AKT1: variants seen among roughly 807,000 people sequenced by gnomAD.
AKT1 encodes AKT serine/threonine kinase 1.
In AKT1, 21 loss-of-function variants were observed where a neutral mutation model predicts 63.1. The observed-to-expected ratio is 0.33, with a 90% confidence interval of 0.24 to 0.48. The LOEUF is 0.48. Ranked by LOEUF, AKT1 falls within the 20% of genes least tolerant of loss-of-function variation. AKT1 has a pLI of 0.99. For synonymous variants in AKT1, 257 were observed against 253.1 expected, an observed-to-expected ratio of 1.02 and a Z score of -0.15; for missense variants, 382 against 666.0, an observed-to-expected ratio of 0.57 and a Z score of 4.69.
Position 104,793,146 on chromosome 14 carries a change from G to A in AKT1, c.-99C>T. 1 of 196,556 alleles carries A rather than the reference G, an allele frequency of 5.1e-6. No individual in the cohort carries two copies. Among genetic ancestry groups the A allele is most frequent in the Middle Eastern group, 1.9e-3 (1 of 522 alleles). The allele number at this position is 196,556 out of a possible 1,614,324, so 12.2% of individuals were successfully genotyped here. On this transcript the variant is annotated 5_prime_UTR_variant, in exon 2 of 15. Coordinates refer to ENST00000649815, the MANE Select transcript of AKT1 (RefSeq NM_001382430.1). Reference sequence around the variant, plus strand: ...CCTAACCTGATGCACCAGCTGACAGGCTGCCTCCTCCAGGCAGCCCCTTTG... The same window carrying A: ...CCTAACCTGATGCACCAGCTGACAGACTGCCTCCTCCAGGCAGCCCCTTTG...
intron 6 of AKT1, 147 bp from the exon 7 acceptor site, chr14:104,775,354 G>A (rs1033419998): frequency 1.8e-5 from 26 of 1,412,204 alleles, no homozygotes; most frequent in East Asian, 1.5e-4. Flanking sequence ...TGGGCTCAGC[G>A]GGGAGTCCAG....
At chr14:104,774,012 C>G (rs1892557894) in intron 8 of AKT1, 32 bp from the exon 9 acceptor site, 2 of 1,602,060 alleles carry the variant, frequency 1.2e-6, no homozygotes. Context: ...ACTGCGGCCC[C>G]ACAGGCAGGA....
intron 13 of AKT1, chr14:104,771,929 GA>G (rs1566815718): frequency 6.8e-6 from 2 of 293,666 alleles, no homozygotes; most frequent in East Asian, 1.0e-4. Context: ...TGCACAGCCA[GA>G]AATAGGGCTG....
Position 104,777,701 on chromosome 14 carries a change from G to A in AKT1, c.176-931C>T, listed in dbSNP as rs550169265. The A allele has an allele frequency of 2.0e-5, 20 of 985,734 alleles. No homozygotes were observed. The South Asian group carries it at 6.1e-4, about 30-fold the overall frequency. The allele number at this position is 985,734 out of a possible 1,614,324, so 61.1% of individuals were successfully genotyped here. Reference sequence around the variant, plus strand: ...CAGGCTCTGGCCCAGCCTGTGCAAAGCAGGAGGAGGCTGAGGGGCCAGTGG... The same window carrying A: ...CAGGCTCTGGCCCAGCCTGTGCAAAACAGGAGGAGGCTGAGGGGCCAGTGG... On this transcript the variant is annotated intron_variant, in intron 4 of 14. Coordinates refer to ENST00000649815, the MANE Select transcript of AKT1 (RefSeq NM_001382430.1).
chr14:104,787,332 G>A (rs756569090), intron 3 of AKT1, among the ~76,000 whole-genome samples: 40 of 152,112 alleles, frequency 2.6e-4, no homozygotes, highest in Non-Finnish European at 4.7e-4. Flanking sequence ...ACCTGCCCGG[G>A]GCCCCAGCGC....
Position 104,770,858 on chromosome 14 carries a change from G to A in AKT1, c.1261-11C>T. The A allele has an allele frequency of 1.2e-6, 2 of 1,612,174 alleles. No individual in the cohort carries two copies. Among genetic ancestry groups the A allele is most frequent in the Non-Finnish European group, 1.7e-6 (2 of 1,178,600 alleles). ...GAAGGGTGGGCTGAGCTGCAGAGGT[G>A]GGCAGACGGGACAGTCATGAGCTTC... is the stretch of plus-strand genomic sequence containing the variant. On this transcript the variant is annotated splice_polypyrimidine_tract_variant and intron_variant, in intron 13 of 14. Coordinates refer to ENST00000649815, the MANE Select transcript of AKT1 (RefSeq NM_001382430.1).
At chr14:104,770,602 C>G (rs1293895459) in intron 14 of AKT1, 143 bp downstream of exon 14, 2 of 947,948 alleles carry the variant, frequency 2.1e-6, no homozygotes, top group African/African-American at 3.3e-5. Flanking sequence ...CTGCCTCCCA[C>G]CCTGATCATT....
rs1173631887 is a variant in AKT1 at position 104,792,621 on chromosome 14, T to C, written c.23A>G (p.Lys8Arg). MSDVAIV[K>R]EGWLHKRGEY... ...ACCTCGTTTGTGCAGCCAACCCTCC[T>C]TCACAATAGCCACGTCGCTCATGGT... Residue 8 changes from lysine (K) to arginine (R), a missense_variant, in exon 3 of 15, where the codon AAG becomes AGG. This residue lies in a region of AKT1 where 226 missense variants were observed against 366.4 expected (regional missense o/e 0.62). Transcript: ENST00000649815. 6.2e-7 allele frequency: 1 copy of C among 1,611,780 alleles called. No individual in the cohort carries two copies. Among genetic ancestry groups the C allele is most frequent in the Non-Finnish European group, 8.5e-7 (1 of 1,179,870 alleles).
chr14:104,775,270 G>A lies in AKT1; in HGVS notation c.436-63C>T, dbSNP rs182149357. The A allele has an allele frequency of 0.018, 29,290 of 1,602,236 alleles. 343 individuals are homozygous for A. The highest frequency in any genetic ancestry group is 0.027 in the South Asian group (2,433 of 90,790). Reference sequence around the variant, plus strand: ...AACAGTGCCCAGCTGGTCGGCATGCGTGGGGTGGCATGAGGGGCCCCAGAG... The same window carrying A: ...AACAGTGCCCAGCTGGTCGGCATGCATGGGGTGGCATGAGGGGCCCCAGAG... On this transcript the variant is annotated intron_variant, in intron 6 of 14. Coordinates refer to ENST00000649815, the MANE Select transcript of AKT1 (RefSeq NM_001382430.1).
rs1163535000 is a variant in AKT1 at position 104,795,084 on chromosome 14, C to CTT, written c.-258+398_-258+399dup. The CTT allele has an allele frequency of 6.6e-6, 1 of 152,196 alleles. No individual in the cohort carries two copies. The highest frequency in any genetic ancestry group is 2.4e-5 in the African/African-American group (1 of 41,458). 9.4% of individuals were successfully genotyped at this position (152,196 alleles called of 1,614,324 possible). A position where few individuals can be genotyped will look rare whatever the true frequency, so the allele number is the denominator to read the frequency against. On this transcript the variant is annotated intron_variant, in intron 1 of 14. Coordinates refer to ENST00000649815, the MANE Select transcript of AKT1 (RefSeq NM_001382430.1). This position sits in a 1 kb window ranked among gnomAD's most constrained non-coding sequence, Gnocchi z 5.1. ...AACTTGAAGGCCGGCCGCGGCGAGT[C>CTT]TTTCTCCAACCCCGGGGCACCTCCG...
chr14:104,776,269 C>T, intron 5 of AKT1: 1 of 204,148 alleles, frequency 4.9e-6, no homozygotes, highest in Non-Finnish European at 1.0e-5. Context: ...GCCTCAGCCT[C>T]CCAAGTAGCC....
intron 4 of AKT1, chr14:104,777,007 G>A (rs1256806102): frequency 2.6e-5 from 13 of 495,852 alleles, no homozygotes; most frequent in Non-Finnish European, 4.0e-5. Flanking sequence ...CATCTGGCCC[G>A]GCGTCAGGTC....
chr14:104,786,924 G>A (rs949158753), intron 3 of AKT1, among the ~76,000 whole-genome samples: 3 of 152,126 alleles, frequency 2.0e-5, no homozygotes, highest in Non-Finnish European at 2.9e-5. Flanking sequence ...CCAGGCCCAG[G>A]GAGCAGCCAC....
chr14:104,795,441 G>T lies in AKT1; in HGVS notation c.-258+43C>A, dbSNP rs2141018700. 1 of 147,126 alleles carries T rather than the reference G, an allele frequency of 6.8e-6. No homozygotes were observed. The highest frequency in any genetic ancestry group is 6.7e-5 in the Admixed American group (1 of 14,872). 9.1% of individuals were successfully genotyped at this position (147,126 alleles called of 1,614,324 possible). On this transcript the variant is annotated intron_variant, in intron 1 of 14. Transcript: ENST00000649815. The surrounding 1 kb of genome is among the most constrained non-coding windows in gnomAD (Gnocchi z 5.1). Reference sequence around the variant, plus strand: ...CGAACAAAGCGGCCCGGCCCGCGGGGAGGAAATCCAGGCCCGGGCGGCCAC... The same window carrying T: ...CGAACAAAGCGGCCCGGCCCGCGGGTAGGAAATCCAGGCCCGGGCGGCCAC...
At chr14:104,792,414 T>A (rs967219648) in intron 3 of AKT1, among the ~76,000 whole-genome samples, 184 bp downstream of exon 3, 1 of 151,874 alleles carries the variant, frequency 6.6e-6, no homozygotes, top group South Asian at 2.1e-4. Context: ...CCTCCTGGCC[T>A]CCCCGAGGCC....
At chr14:104,776,924 G>T in intron 4 of AKT1, 154 bp from the exon 5 acceptor site, 2 of 621,110 alleles carry the variant, frequency 3.2e-6, no homozygotes, top group Non-Finnish European at 5.6e-6. Context: ...TCAGTTTCTC[G>T]CCTCACAGAG....
intron 3 of AKT1, among the ~76,000 whole-genome samples, chr14:104,783,418 G>A (rs1245307790): frequency 2.6e-5 from 4 of 151,954 alleles, no homozygotes; most frequent in African/African-American, 7.3e-5. Flanking sequence ...TAGGGACCTC[G>A]TCCTCCACAC....
At chr14:104,788,316 T>C (rs766683989) in intron 3 of AKT1, among the ~76,000 whole-genome samples, 3 of 150,990 alleles carry the variant, frequency 2.0e-5, no homozygotes, top group Non-Finnish European at 4.4e-5. Context: ...GAGGGGAGAG[T>C]CTGCGGGCTC....
chr14:104,782,564 G>T (rs879446748), intron 3 of AKT1, among the ~76,000 whole-genome samples: 1 of 148,194 alleles, frequency 6.7e-6, no homozygotes, highest in South Asian at 2.1e-4. Flanking sequence ...TACCAGGCGT[G>T]GGGGGTGGGA....
Sources: gnomAD v4.1 joint callset for allele counts (sites outside exome capture counted in the v4.1 genomes callset) on GRCh38, gnomAD v4.1.1 for gene constraint, gnomAD v4.1.1 regional missense constraint, Gnocchi (gnomAD v3.1) non-coding constraint, MANE v1.5 for transcripts, NCBI Gene and HGNC (gene_info 2026-07-23, HGNC 2026-07-21) for gene names.